Variants in JMJD1C observed in about 807,000 individuals in gnomAD.
JMJD1C encodes jumonji domain containing 1C, also known as jumonji domain-containing protein 1C.
Under a neutral mutation model 245.3 loss-of-function variants are expected in JMJD1C, and 31 were observed. That is an observed-to-expected ratio of 0.13 (90% CI 0.09 to 0.17). The LOEUF (loss-of-function observed/expected upper bound fraction) is 0.17. JMJD1C is among the 10% of genes least tolerant of loss of function. The pLI, the probability that JMJD1C is intolerant of heterozygous loss-of-function variation, is 1.00. For synonymous variants in JMJD1C, 1,057 were observed against 1,017.4 expected (o/e 1.04, Z -0.74); for missense variants, 2,691 against 3,000.2 (o/e 0.90, Z 2.41).
chr10:63,307,461 GA>G (rs1938426485), intron 2 of JMJD1C, among the ~76,000 whole-genome samples: 1 of 152,140 alleles, frequency 6.6e-6, no homozygotes, highest in Non-Finnish European at 1.5e-5. Context: ...TACATCAGGA[GA>G]AATCTTTAAG....
chr10:63,470,573 A>G (rs1251581721), upstream of JMJD1C, among the ~76,000 whole-genome samples: 1 of 152,192 alleles, frequency 6.6e-6, no homozygotes, highest in African/African-American at 2.4e-5. Context: ...CAAACTACCA[A>G]TTTAATACAA....
chr10:63,287,165 T>C (rs1325770552), intron 2 of JMJD1C, among the ~76,000 whole-genome samples: 1 of 152,214 alleles, frequency 6.6e-6, no homozygotes, highest in Non-Finnish European at 1.5e-5. Flanking sequence ...ATTAGTATAA[T>C]ATGTGGTAAA....
intron 1 of JMJD1C, among the ~76,000 whole-genome samples, chr10:63,496,674 C>T (rs1164507133): frequency 6.6e-6 from 1 of 152,184 alleles, no homozygotes; most frequent in Non-Finnish European, 1.5e-5. Context: ...TTTGTGTCTC[C>T]TTCTACAAAT....
intron 1 of JMJD1C, among the ~76,000 whole-genome samples, chr10:63,446,376 G>A (rs1460210700): frequency 6.6e-6 from 1 of 152,156 alleles, no homozygotes; most frequent in Non-Finnish European, 1.5e-5. Context: ...AGTCTGAGAT[G>A]CCTATTAGAC....
At chr10:63,444,647 C>T (rs1951592867) in intron 1 of JMJD1C, among the ~76,000 whole-genome samples, 1 of 133,528 alleles carries the variant, frequency 7.5e-6, no homozygotes, top group Non-Finnish European at 1.6e-5. Flanking sequence ...TTTTTGGAGA[C>T]AGAGTTTCAC....
intron 1 of JMJD1C, among the ~76,000 whole-genome samples, chr10:63,512,454 C>T (rs904610162): frequency 4.6e-5 from 7 of 152,158 alleles, no homozygotes; most frequent in Non-Finnish European, 8.8e-5. Context: ...AAGGGTAACA[C>T]AACATGGCAG....
At chr10:63,268,655 A>G in intron 2 of JMJD1C, 10 of 962,934 alleles carry the variant, frequency 1.0e-5, no homozygotes, top group Non-Finnish European at 1.2e-5. Context: ...GAAAAATACA[A>G]ACCGTACTTT....
intron 1 of JMJD1C, among the ~76,000 whole-genome samples, chr10:63,386,187 C>T (rs1466267854): frequency 2.0e-5 from 3 of 152,156 alleles, no homozygotes; most frequent in African/African-American, 7.2e-5. Context: ...CCCCACCCTC[C>T]CTAGCAGTGG....
Position 63,213,687 on chromosome 10 carries a change from G to A in JMJD1C, c.2480C>T (p.Ala827Val), listed in dbSNP as rs376459102. Residue 827 changes from alanine (A) to valine (V), a missense_variant, in exon 8 of 26, where the codon GCG becomes GTG. By Grantham distance (64) the Ala-to-Val change is moderately conservative (BLOSUM62 0). Transcript: ENST00000399262. Reference sequence around the variant, plus strand: ...CTGTTGTTGTTGCTGGTGTGCTAGCGCTAAGTGGCTCAAGCTGCTGGCATG... The same window carrying A: ...CTGTTGTTGTTGCTGGTGTGCTAGCACTAAGTGGCTCAAGCTGCTGGCATG... ...SAHASSLSHLALAHQQQQQLL... is the reference protein window; with the variant it reads ...SAHASSLSHLVLAHQQQQQLL... 8.7e-6 allele frequency: 14 copies of A among 1,614,192 alleles called. No homozygotes were observed. Among genetic ancestry groups the A allele is most frequent in the East Asian group, 2.2e-5 (1 of 44,878 alleles).
In JMJD1C at chr10:63,276,884, C is replaced by CTTTTTTTTTTTT. The variant is rs760452367; in HGVS notation, c.334-12132_334-12121dup. Among the ~76,000 whole-genome samples, 57 of 96,276 alleles carry CTTTTTTTTTTTT rather than the reference C, an allele frequency of 5.9e-4. 8 individuals carry two copies. The highest frequency in any genetic ancestry group is 1.1e-3 in the African/African-American group (25 of 23,356). The allele number at this position is 96,276 out of a possible 152,430, so 63.2% of individuals were successfully genotyped here. On this transcript the variant is annotated intron_variant, in intron 2 of 25. Coordinates refer to ENST00000399262, the MANE Select transcript of JMJD1C (RefSeq NM_032776.3). Reference sequence around the variant, plus strand: ...CTATGGAAGGAATAGAAGCTTGGGGCTTTTTTTTTTTTTTTTTTGAGAGAG... The same window carrying CTTTTTTTTTTTT: ...CTATGGAAGGAATAGAAGCTTGGGGCTTTTTTTTTTTTTTTTTTTTTTTTTTTTTTGAGAGAG...
At chr10:63,409,465 C>G (rs912075809) in intron 1 of JMJD1C, among the ~76,000 whole-genome samples, 5 of 151,784 alleles carry the variant, frequency 3.3e-5, no homozygotes, top group Non-Finnish European at 7.4e-5. Flanking sequence ...TAGGCAGTAA[C>G]GTGAATGGTT....
chr10:63,480,100 A>C (rs1953784190), intron 1 of JMJD1C, among the ~76,000 whole-genome samples: 1 of 152,164 alleles, frequency 6.6e-6, no homozygotes, highest in Non-Finnish European at 1.5e-5. Flanking sequence ...TTAAATCTTT[A>C]AAGAATTACA....
intron 13 of JMJD1C, among the ~76,000 whole-genome samples, chr10:63,195,100 A>ATTTTGCTTGGC (rs1223515823): frequency 1.3e-5 from 2 of 152,238 alleles, no homozygotes; most frequent in Admixed American, 1.3e-4. Flanking sequence ...CACACCTGTA[A>ATTTTGCTTGGC]TCCCAGCATT....
chr10:63,350,239 G>A (rs987970553), intron 2 of JMJD1C, among the ~76,000 whole-genome samples: 1 of 152,140 alleles, frequency 6.6e-6, no homozygotes, highest in Non-Finnish European at 1.5e-5. Flanking sequence ...AGTGGCAGAT[G>A]TAGGAAAAGC....
intron 17 of JMJD1C, 55 bp downstream of exon 17, chr10:63,190,839 C>T: frequency 5.6e-6 from 8 of 1,422,770 alleles, no homozygotes; most frequent in Non-Finnish European, 7.9e-6. Flanking sequence ...AACTAAGTCT[C>T]CAAATCATCT....
At position 63,213,938 on chromosome 10, in the gene JMJD1C, TGAG is replaced by T. The variant is rs1589165990; in HGVS notation, c.2226_2228del (p.Ser744del). The T allele has an allele frequency of 1.2e-6, 2 of 1,613,996 alleles. No individual in the cohort carries two copies. The highest frequency in any genetic ancestry group is 1.7e-6 in the Non-Finnish European group (2 of 1,179,960). On this transcript the variant is annotated inframe_deletion, in exon 8 of 26. Coordinates refer to ENST00000399262, the MANE Select transcript of JMJD1C (RefSeq NM_032776.3). ...CTGGATTTAAACAGGTTCTATGAGATGAGGAGTGAAGAGGAAAAGGATGCTGGC... is the reference window on the plus strand; with the variant it reads ...CTGGATTTAAACAGGTTCTATGAGATGAGTGAAGAGGAAAAGGATGCTGGC...
intron 17 of JMJD1C, 30 bp from the exon 18 acceptor site, chr10:63,189,476 C>T (rs746218971): frequency 1.9e-6 from 3 of 1,559,226 alleles, no homozygotes; most frequent in Non-Finnish European, 2.6e-6. Context: ...ACAAAAAAAA[C>T]CTGTTTTTGA....
chr10:63,210,935 T>C (rs1589156997), intron 8 of JMJD1C, among the ~76,000 whole-genome samples: 2 of 152,174 alleles, frequency 1.3e-5, no homozygotes, highest in South Asian at 2.1e-4. Flanking sequence ...TTGTGATCAA[T>C]GGCAGCATAA....
intron 1 of JMJD1C, among the ~76,000 whole-genome samples, chr10:63,502,368 G>A (rs531389173): frequency 1.1e-4 from 17 of 151,968 alleles, no homozygotes; most frequent in East Asian, 1.9e-4. Flanking sequence ...GCCAGGCACC[G>A]TGGCTCATGC....
Sources: allele counts gnomAD v4.1 joint callset (sites outside exome capture counted in the v4.1 genomes callset), GRCh38; gene constraint gnomAD v4.1.1; transcripts MANE v1.5; gene names NCBI Gene and HGNC (gene_info 2026-07-23, HGNC 2026-07-21).